PDE4D: variants seen among roughly 807,000 people sequenced by gnomAD.
The protein encoded by PDE4D is phosphodiesterase 4D, also known as 3',5'-cyclic-AMP phosphodiesterase 4D.
Under a neutral mutation model 87.4 loss-of-function variants are expected in PDE4D, and 24 were observed. That is an observed-to-expected ratio of 0.27 (90% CI 0.20 to 0.39). The LOEUF (loss-of-function observed/expected upper bound fraction) is 0.39. PDE4D is among the 10% of genes least tolerant of loss of function. PDE4D has a pLI of 1.00. For synonymous variants in PDE4D, 384 were observed against 383.2 expected (o/e 1.00, Z -0.02); for missense variants, 714 against 1,041.0 (o/e 0.69, Z 4.32).
intron 2 of PDE4D, among the ~76,000 whole-genome samples, chr5:60,136,443 T>C (rs1248079108): frequency 1.3e-5 from 2 of 152,052 alleles, no homozygotes; most frequent in Non-Finnish European, 2.9e-5. Flanking sequence ...GCCTCCCAAG[T>C]AGCTGGGATT....
chr5:59,908,386 C>T (rs1020157809), intron 3 of PDE4D, among the ~76,000 whole-genome samples: 39 of 152,038 alleles, frequency 2.6e-4, no homozygotes, highest in Non-Finnish European at 4.4e-4. Context: ...TTACGGCTTC[C>T]GAAAACAAGT....
At chr5:60,071,107 A>G (rs1772667626) in intron 2 of PDE4D, among the ~76,000 whole-genome samples, 1 of 151,642 alleles carries the variant, frequency 6.6e-6, no homozygotes, top group South Asian at 2.1e-4. Flanking sequence ...TTACCAATTT[A>G]GTTTATATTT....
intron 1 of PDE4D, among the ~76,000 whole-genome samples, chr5:60,219,788 C>T (rs146494205): frequency 8.9e-4 from 135 of 152,266 alleles, no homozygotes; most frequent in African/African-American, 2.8e-3. Flanking sequence ...CTGCAGAGCA[C>T]GCAAAGTGTG....
At chr5:59,299,196 C>G (rs1372033206) in intron 1 of PDE4D, among the ~76,000 whole-genome samples, 1 of 152,158 alleles carries the variant, frequency 6.6e-6, no homozygotes, top group Non-Finnish European at 1.5e-5. Flanking sequence ...AGTTACATGC[C>G]TGGCCTGAGC....
chr5:60,060,292 G>T (rs532574558), intron 2 of PDE4D, among the ~76,000 whole-genome samples: 11 of 152,094 alleles, frequency 7.2e-5, no homozygotes, highest in African/African-American at 2.7e-4. Flanking sequence ...TCAGTTATTT[G>T]ATTTATCCTC....
chr5:59,146,954 G>A (rs1000691792), intron 5 of PDE4D, among the ~76,000 whole-genome samples: 6 of 152,164 alleles, frequency 3.9e-5, no homozygotes, highest in Admixed American at 3.9e-4. Flanking sequence ...AGCAGGAAGT[G>A]AGCAGCAGGC....
chr5:59,862,735 T>C (rs775759012), intron 1 of PDE4D, among the ~76,000 whole-genome samples: 28 of 152,244 alleles, frequency 1.8e-4, no homozygotes, highest in Admixed American at 1.2e-3. Context: ...TAGCAGATTT[T>C]TTTTCCTGCG....
At chr5:59,428,530 C>A (rs1013587479) in intron 1 of PDE4D, among the ~76,000 whole-genome samples, 10 of 151,956 alleles carry the variant, frequency 6.6e-5, no homozygotes. Flanking sequence ...TTAGATAAAT[C>A]TTAGTCCCAG....
chr5:59,213,579 C>T (rs1421448249), intron 2 of PDE4D, among the ~76,000 whole-genome samples: 1 of 152,076 alleles, frequency 6.6e-6, no homozygotes, highest in Non-Finnish European at 1.5e-5. Context: ...AAAAATTCCG[C>T]TTGAACCTAA....
chr5:59,601,123 C>T (rs983865006), intron 1 of PDE4D, among the ~76,000 whole-genome samples: 19 of 152,242 alleles, frequency 1.2e-4, no homozygotes, highest in African/African-American at 4.1e-4. Flanking sequence ...CAGAGAAACA[C>T]TAGGTGACTA....
intron 1 of PDE4D, among the ~76,000 whole-genome samples, chr5:59,299,267 G>C (rs1187975666): frequency 6.6e-6 from 1 of 152,180 alleles, no homozygotes; most frequent in South Asian, 2.1e-4. Flanking sequence ...TGGATGAAGA[G>C]TTGGTGAAAA....
At chr5:59,381,148 T>C (rs1452473680) in intron 1 of PDE4D, among the ~76,000 whole-genome samples, 1 of 152,214 alleles carries the variant, frequency 6.6e-6, no homozygotes, top group Non-Finnish European at 1.5e-5. Context: ...GAATACTAGT[T>C]AAAACAAAGA....
chr5:59,347,089 C>T (rs1779732124), intron 1 of PDE4D, among the ~76,000 whole-genome samples: 1 of 152,128 alleles, frequency 6.6e-6, no homozygotes, highest in Admixed American at 6.5e-5. Context: ...GATTCTTAAA[C>T]AGGACATAAA....
intron 1 of PDE4D, among the ~76,000 whole-genome samples, chr5:59,515,338 C>A (rs922885875): frequency 1.1e-4 from 17 of 152,196 alleles, no homozygotes; most frequent in African/African-American, 3.6e-4. Context: ...GTTAGAAATG[C>A]AGGTTCTCAG....
chr5:59,580,410 A>G (rs141643181), intron 1 of PDE4D, among the ~76,000 whole-genome samples: 203 of 152,018 alleles, frequency 1.3e-3, no homozygotes, highest in Non-Finnish European at 2.4e-3. Flanking sequence ...CTCTTCCATG[A>G]AGTATATGAT....
chr5:59,242,921 G>A (rs1276573711), intron 1 of PDE4D, among the ~76,000 whole-genome samples: 1 of 152,130 alleles, frequency 6.6e-6, no homozygotes, highest in South Asian at 2.1e-4. Flanking sequence ...TACCTGGGAT[G>A]CTTGCTAAAA....
intron 1 of PDE4D, among the ~76,000 whole-genome samples, chr5:59,299,649 T>C (rs1263308896): frequency 7.9e-5 from 12 of 152,172 alleles, no homozygotes; most frequent in Non-Finnish European, 5.9e-5. Context: ...TTTTGGTAAA[T>C]ATGGAAACAA....
chr5:59,965,078 T>C (rs1759891847), intron 3 of PDE4D, among the ~76,000 whole-genome samples: 1 of 152,200 alleles, frequency 6.6e-6, no homozygotes, highest in Non-Finnish European at 1.5e-5. Context: ...CTCTACGTTC[T>C]CTTATTTTAC....
chr5:59,679,702 A>G (rs966334810), intron 1 of PDE4D, among the ~76,000 whole-genome samples: 4 of 152,152 alleles, frequency 2.6e-5, no homozygotes, highest in Non-Finnish European at 4.4e-5. Context: ...CAGACTTAAC[A>G]ATGATTTAAA....
Sources: gnomAD v4.1 joint callset for allele counts (sites outside exome capture counted in the v4.1 genomes callset) on GRCh38, gnomAD v4.1.1 for gene constraint, MANE v1.5 for transcripts, NCBI Gene and HGNC (gene_info 2026-07-23, HGNC 2026-07-21) for gene names.